EYS: variants seen among roughly 807,000 people sequenced by gnomAD.
EYS encodes EGF-like photoreceptor maintenance factor.
EYS carries 250 observed loss-of-function variants against 282.1 expected under a neutral mutation model. The ratio of observed to expected loss-of-function variants is 0.89; its 90% CI spans 0.80 to 0.98. EYS has a LOEUF of 0.98. Ranked by LOEUF, EYS falls within the 50% of genes least tolerant of loss-of-function variation. EYS has a pLI of 0.00. For synonymous variants in EYS, 1,355 were observed against 1,282.9 expected (o/e 1.06, Z -1.20); for missense variants, 4,016 against 3,709.0 (o/e 1.08, Z -2.15).
chr6:64,110,018 G>T (rs903426609), intron 31 of EYS, among the ~76,000 whole-genome samples: 1 of 152,070 alleles, frequency 6.6e-6, no homozygotes, highest in East Asian at 1.9e-4. Flanking sequence ...GCTAGAGATT[G>T]CAAACACATT....
At chr6:63,736,602 A>T (rs1185180879) in intron 41 of EYS, among the ~76,000 whole-genome samples, 1 of 152,140 alleles carries the variant, frequency 6.6e-6, no homozygotes, top group Non-Finnish European at 1.5e-5. Context: ...ACTTTAAAGT[A>T]GTTTTTTCCA....
chr6:64,644,388 A>G (rs1000794), intron 22 of EYS, among the ~76,000 whole-genome samples: 16,892 of 152,100 alleles, frequency 0.11, 1,113 homozygotes, highest in East Asian at 0.16. Flanking sequence ...AAGAATTGGG[A>G]TGGAGTGAAG....
chr6:65,357,999 T>C (rs1655312685), intron 8 of EYS, among the ~76,000 whole-genome samples: 1 of 152,002 alleles, frequency 6.6e-6, no homozygotes, highest in South Asian at 2.1e-4. Context: ...TAACTTTCAG[T>C]AGAATGATGA....
intron 41 of EYS, among the ~76,000 whole-genome samples, chr6:63,762,234 T>C (rs1324978525): frequency 6.6e-6 from 1 of 152,056 alleles, no homozygotes; most frequent in Non-Finnish European, 1.5e-5. Context: ...ATAGAGAATT[T>C]AGAGTTAATA....
chr6:64,127,463 C>T (rs1773822681), intron 31 of EYS, among the ~76,000 whole-genome samples: 1 of 152,084 alleles, frequency 6.6e-6, no homozygotes, highest in Non-Finnish European at 1.5e-5. Context: ...CCTTTTATTG[C>T]TGTCTAATAT....
At chr6:65,204,073 C>G (rs535999753) in intron 12 of EYS, among the ~76,000 whole-genome samples, 2 of 151,998 alleles carry the variant, frequency 1.3e-5, no homozygotes, top group Admixed American at 6.6e-5. Context: ...TTATGTAAAG[C>G]GACCAAATCT....
At chr6:64,454,742 T>C (rs1004500063) in intron 26 of EYS, among the ~76,000 whole-genome samples, 1 of 152,158 alleles carries the variant, frequency 6.6e-6, no homozygotes, top group Non-Finnish European at 1.5e-5. Flanking sequence ...GATTTTGGTA[T>C]TGGTGTGTGT....
At chr6:64,652,780 G>A (rs758458405) in intron 22 of EYS, among the ~76,000 whole-genome samples, 7 of 152,218 alleles carry the variant, frequency 4.6e-5, no homozygotes, top group African/African-American at 1.2e-4. Flanking sequence ...TAAAGAACAG[G>A]TAAGCAAAAT....
chr6:64,052,855 C>T (rs1770858047), intron 33 of EYS, among the ~76,000 whole-genome samples: 1 of 152,124 alleles, frequency 6.6e-6, no homozygotes, highest in African/African-American at 2.4e-5. Flanking sequence ...GTGCCTTCTG[C>T]CATGACTGTA....
intron 12 of EYS, among the ~76,000 whole-genome samples, chr6:65,222,079 T>C (rs1766481242): frequency 1.3e-5 from 2 of 152,116 alleles, no homozygotes; most frequent in Non-Finnish European, 2.9e-5. Context: ...TTTTTCAGCA[T>C]TATAGGTGGA....
In EYS at chr6:64,711,000, T is replaced by G. The variant is rs76362101; in HGVS notation, c.3444-84755A>C. Among the ~76,000 whole-genome samples, 653 of 152,234 alleles carry G rather than the reference T, an allele frequency of 4.3e-3. 4 individuals carry two copies. The highest frequency in any genetic ancestry group is 7.8e-3 in the Non-Finnish European group (533 of 68,012). ...TGTGGACAGAAAAAGAGTATTGCCT[T>G]GAAAGAAAAATGCCGTACCGTAAGA... is the stretch of plus-strand genomic sequence containing the variant. On this transcript the variant is annotated intron_variant, in intron 22 of 42. Coordinates refer to ENST00000503581, the MANE Select transcript of EYS (RefSeq NM_001142800.2).
chr6:64,926,748 G>C (rs750157381), intron 15 of EYS, among the ~76,000 whole-genome samples: 11 of 152,058 alleles, frequency 7.2e-5, no homozygotes, highest in African/African-American at 1.7e-4. Flanking sequence ...TTTCTAAGTA[G>C]GTGAGGTATA....
chr6:64,533,632 A>G (rs2993118), intron 26 of EYS, among the ~76,000 whole-genome samples: 65,899 of 151,726 alleles, frequency 0.43, 14,663 homozygotes, highest in African/African-American at 0.55. Context: ...CTTTTAGGCA[A>G]AATAAAAGCT....
At chr6:64,570,468 A>G (rs1193278597) in intron 26 of EYS, among the ~76,000 whole-genome samples, 3 of 152,242 alleles carry the variant, frequency 2.0e-5, no homozygotes, top group Non-Finnish European at 4.4e-5. Context: ...TAAATGGGCT[A>G]AATGCCTCAA....
At chr6:64,127,832 G>A (rs1004824360) in intron 31 of EYS, among the ~76,000 whole-genome samples, 3 of 152,086 alleles carry the variant, frequency 2.0e-5, no homozygotes, top group Admixed American at 6.6e-5. Flanking sequence ...AGAGCATGGA[G>A]GTGCTTATTT....
intron 35 of EYS, among the ~76,000 whole-genome samples, chr6:63,889,470 C>T (rs867964176): frequency 2.0e-5 from 3 of 152,176 alleles, no homozygotes; most frequent in African/African-American, 7.2e-5. Context: ...CAATATTCAA[C>T]ATTCTTAAAG....
At chr6:65,171,531 A>G (rs1396468968) in intron 12 of EYS, among the ~76,000 whole-genome samples, 1 of 151,644 alleles carries the variant, frequency 6.6e-6, no homozygotes, top group East Asian at 2.0e-4. Flanking sequence ...CCAGATGCAT[A>G]TTTGTGTATA....
At chr6:65,252,103 G>T (rs576900445) in intron 12 of EYS, among the ~76,000 whole-genome samples, 36 of 151,992 alleles carry the variant, frequency 2.4e-4, no homozygotes, top group African/African-American at 8.2e-4. Flanking sequence ...ATCAGATGGG[G>T]ATGCAGTCAT....
At chr6:64,219,833 A>G (rs1205963452) in intron 31 of EYS, among the ~76,000 whole-genome samples, 1 of 152,230 alleles carries the variant, frequency 6.6e-6, no homozygotes, top group African/African-American at 2.4e-5. Context: ...CATATACACC[A>G]TGGAACACTA....
Sources: allele counts gnomAD v4.1 joint callset (sites outside exome capture counted in the v4.1 genomes callset), GRCh38; gene constraint gnomAD v4.1.1; transcripts MANE v1.5; gene names NCBI Gene and HGNC (gene_info 2026-07-23, HGNC 2026-07-21).